The following FAN1 variants were observed in gnomAD, a reference collection of about 807,000 sequenced individuals.
FAN1 encodes FANCD2 and FANCI associated nuclease 1, also known as fanconi-associated nuclease 1.
FAN1 carries 91 observed loss-of-function variants against 104.9 expected under a neutral mutation model. That is an observed-to-expected ratio of 0.87 (90% CI 0.73 to 1.03). The LOEUF (loss-of-function observed/expected upper bound fraction) is 1.03, where lower values mean the gene tolerates loss of function less well. Among genes scored for constraint, FAN1 ranks in the 50% least tolerant of loss-of-function variants. The probability of loss-of-function intolerance (pLI) is 0.00; values close to 1 mark genes in which losing one functional copy is unlikely to be tolerated. For missense variants in FAN1, 1,263 were observed against 1,239.9 expected, an observed-to-expected ratio of 1.02 and a Z score of -0.28; for synonymous variants, 478 against 457.6, an observed-to-expected ratio of 1.04 and a Z score of -0.57.
At chr15:30,919,133 C>T (rs755988559) in intron 6 of FAN1, among the ~76,000 whole-genome samples, 26 of 152,148 alleles carry the variant, frequency 1.7e-4, no homozygotes, top group Non-Finnish European at 2.2e-4. Context: ...GTAATCCCGG[C>T]ACTTTGGGAG....
chr15:30,922,527 C>G (rs1329029542), intron 8 of FAN1, among the ~76,000 whole-genome samples, 173 bp downstream of exon 8: 1 of 152,140 alleles, frequency 6.6e-6, no homozygotes, highest in Non-Finnish European at 1.5e-5. Flanking sequence ...GGGATGCCAG[C>G]ACAGCATGAG....
intron 3 of FAN1, among the ~76,000 whole-genome samples, chr15:30,909,921 G>A (rs781592447): frequency 2.6e-5 from 4 of 152,326 alleles, no homozygotes; most frequent in Admixed American, 6.5e-5. Context: ...TCTTTAGAGC[G>A]GTTATTACCA....
rs956408541 is a variant in FAN1, at chr15:30,918,090, T to C, written c.1812-74T>C. On this transcript the variant is annotated intron_variant, in intron 5 of 14. Coordinates refer to ENST00000362065, the MANE Select transcript of FAN1 (RefSeq NM_014967.5). ...CACACTTTTACCTTTCAGAGTGAGA[T>C]CTAGTGGCTAGGATGTGGTCATTCT... 3 of 1,455,696 alleles carry C rather than the reference T, an allele frequency of 2.1e-6. No individual in the cohort carries two copies. In the African/African-American group the frequency reaches 4.2e-5, roughly 20 times the overall value. 90.2% of individuals were successfully genotyped at this position (1,455,696 alleles called of 1,614,324 possible).
chr15:30,941,948 T>C lies in FAN1; in HGVS notation c.*386T>C. ...CGTATCACTGTTCTGGCTGTCGGTT[T>C]GCTGAGCTGGATCTGGCTTTGGTTT... On this transcript the variant is annotated 3_prime_UTR_variant, in exon 15 of 15. Transcript: ENST00000362065. The C allele has an allele frequency of 6.2e-7, 1 of 1,614,076 alleles. No individual in the cohort carries two copies. The highest frequency in any genetic ancestry group is 8.5e-7 in the Non-Finnish European group (1 of 1,179,908).
intron 2 of FAN1, 74 bp downstream of exon 2, chr15:30,905,971 G>T: frequency 2.9e-6 from 4 of 1,382,486 alleles, no homozygotes; most frequent in Non-Finnish European, 3.0e-6. Flanking sequence ...GATGTGATGG[G>T]CAGTAATCTA....
intron 10 of FAN1, chr15:30,927,745 G>C (rs2062501570): frequency 1.0e-6 from 1 of 985,642 alleles, no homozygotes; most frequent in Non-Finnish European, 1.2e-6. Context: ...CCTCTGTCGG[G>C]AGGGCTGATG....
At chr15:30,928,429 A>G in intron 10 of FAN1, 124 bp from the exon 11 acceptor site, 1 of 1,509,626 alleles carries the variant, frequency 6.6e-7, no homozygotes, top group African/African-American at 1.4e-5. Flanking sequence ...TGAATCTAAA[A>G]TATTTCTATT....
At position 30,914,011 on chromosome 15, in the gene FAN1, C is replaced by T; in HGVS notation, c.1731C>T (p.Val577=). ...GQGQLSTVLL[V]NLGRMEFPSY... is the part of the protein sequence containing the mutation. ...GACAGCTTTCAACAGTCCTGTTGGTCAACCTCGGCCGAATGGAGTTTCCTA... is the reference window on the plus strand; with the variant it reads ...GACAGCTTTCAACAGTCCTGTTGGTTAACCTCGGCCGAATGGAGTTTCCTA... Residue 577 remains valine, a synonymous_variant, in exon 5 of 15, where the codon GTC becomes GTT. Transcript: ENST00000362065. 1 of 1,614,178 alleles carries T rather than the reference C, an allele frequency of 6.2e-7. No homozygotes were observed. The highest frequency in any genetic ancestry group is 8.5e-7 in the Non-Finnish European group (1 of 1,180,026).
intron 14 of FAN1, chr15:30,939,067 GT>G: frequency 1.0e-6 from 1 of 985,390 alleles, no homozygotes; most frequent in Non-Finnish European, 1.2e-6. Context: ...AGGCACAAAG[GT>G]TTTAGTTTTC....
In FAN1 at chr15:30,942,758, G is replaced by T; in HGVS notation, c.*1196G>T. 1.1e-6 allele frequency: 1 copy of T among 925,496 alleles called. No homozygotes were observed. The highest frequency in any genetic ancestry group is 1.6e-6 in the Non-Finnish European group (1 of 641,782). 57.3% of individuals were successfully genotyped at this position (925,496 alleles called of 1,614,324 possible). A position where few individuals can be genotyped will look rare whatever the true frequency, so the allele number is the denominator to read the frequency against. On this transcript the variant is annotated 3_prime_UTR_variant, in exon 15 of 15. Transcript: ENST00000362065. ...GATACAGTCATTTGAGTTAAAAAGGGAATGACCCCTCAGAAACCCGCATTA... is the reference window on the plus strand; with the variant it reads ...GATACAGTCATTTGAGTTAAAAAGGTAATGACCCCTCAGAAACCCGCATTA...
chr15:30,919,636 C>A (rs1368941758), intron 6 of FAN1, among the ~76,000 whole-genome samples: 5 of 148,818 alleles, frequency 3.4e-5, no homozygotes, highest in Non-Finnish European at 7.4e-5. Flanking sequence ...TTGTAATGAG[C>A]TGAGATCGCA....
chr15:30,942,476 C>A lies in FAN1; in HGVS notation c.*914C>A. 3.9e-6 allele frequency: 1 copy of A among 257,016 alleles called. No homozygotes were observed. The highest frequency in any genetic ancestry group is 7.3e-6 in the Non-Finnish European group (1 of 136,528). The allele number at this position is 257,016 out of a possible 1,614,324, so 15.9% of individuals were successfully genotyped here. On this transcript the variant is annotated 3_prime_UTR_variant, in exon 15 of 15. Transcript: ENST00000362065. ...CTTTCAGTAGTCTGCAAATTTTCTA[C>A]CAAAAAAAATCCCAAGAATTTATTT...
chr15:30,927,296 A>T, intron 10 of FAN1: 5 of 985,456 alleles, frequency 5.1e-6, no homozygotes, highest in Non-Finnish European at 6.0e-6. Context: ...CGGAACACTG[A>T]CTGGAAATCA....
chr15:30,940,809 C>G, intron 14 of FAN1: 1 of 987,296 alleles, frequency 1.0e-6, no homozygotes, highest in Non-Finnish European at 1.2e-6. Flanking sequence ...TATTTGTATC[C>G]TAAAGTCAAA....
At chr15:30,941,259 A>G in intron 14 of FAN1, 1 of 1,466,824 alleles carries the variant, frequency 6.8e-7, no homozygotes, top group South Asian at 1.2e-5. Context: ...CAGACCTGTA[A>G]TGACAGAAAG....
intron 13 of FAN1, among the ~76,000 whole-genome samples, chr15:30,935,437 T>C (rs1044691840): frequency 6.6e-6 from 1 of 152,190 alleles, no homozygotes; most frequent in African/African-American, 2.4e-5. Flanking sequence ...CTGAAAGTAT[T>C]TGGAAAAAAG....
intron 14 of FAN1, chr15:30,940,435 C>T (rs924085128): frequency 2.1e-5 from 21 of 984,790 alleles, no homozygotes; most frequent in Non-Finnish European, 2.5e-5. Flanking sequence ...TATTCCTAAG[C>T]ATTAGGAACT....
chr15:30,904,490 T>G, intron 1 of FAN1, 22 bp from the exon 2 acceptor site: 1 of 751,962 alleles, frequency 1.3e-6, no homozygotes, highest in Admixed American at 2.1e-5. Context: ...TGTTTTTAAT[T>G]TATATGTGTT....
intron 10 of FAN1, chr15:30,928,085 G>C: frequency 6.0e-6 from 6 of 1,001,128 alleles, no homozygotes; most frequent in Non-Finnish European, 7.1e-6. Flanking sequence ...AAGAACGGAG[G>C]TGGCTGCTGC....
Sources: allele counts gnomAD v4.1 joint callset (sites outside exome capture counted in the v4.1 genomes callset), GRCh38; gene constraint gnomAD v4.1.1; transcripts MANE v1.5; gene names NCBI Gene and HGNC (gene_info 2026-07-23, HGNC 2026-07-21).